The following OBI1 variants were observed in gnomAD, a reference collection of about 807,000 sequenced individuals.
OBI1 encodes ring finger protein 219.
A neutral mutation model predicts 62.4 loss-of-function variants in OBI1; 59 were observed. The ratio of observed to expected loss-of-function variants is 0.95; its 90% CI spans 0.77 to 1.17. The LOEUF (loss-of-function observed/expected upper bound fraction) is 1.17, where lower values mean the gene tolerates loss of function less well. Among genes scored for constraint, OBI1 ranks in the 50% most tolerant of loss-of-function variants. The probability of loss-of-function intolerance (pLI) is 0.00; values close to 1 mark genes in which losing one functional copy is unlikely to be tolerated. For synonymous variants in OBI1, 302 were observed against 292.8 expected (o/e 1.03, Z -0.32); for missense variants, 875 against 830.9 (o/e 1.05, Z -0.65).
In OBI1 at chr13:78,616,288, A is replaced by C. The variant is rs766953387; in HGVS notation, c.1473T>G (p.Ser491=). 6.2e-7 allele frequency: 1 copy of C among 1,614,014 alleles called. No individual in the cohort carries two copies. The highest frequency in any genetic ancestry group is 8.5e-7 in the Non-Finnish European group (1 of 1,179,876). ...ESSEGNTIAN[S]VGEISSKLSE... ...TCAATTTTGAAGATATTTCTCCAAC[A>C]GAATTTGCTATCGTGTTCCCCTCTG... Residue 491 remains serine (S), a synonymous_variant, in exon 6 of 6, where the codon TCT becomes TCG. Coordinates refer to ENST00000282003, the MANE Select transcript of OBI1 (RefSeq NM_024546.4).
At chr13:78,629,256 C>T (rs1875774806) in intron 5 of OBI1, among the ~76,000 whole-genome samples, 1 of 152,064 alleles carries the variant, frequency 6.6e-6, no homozygotes, top group South Asian at 2.1e-4. Flanking sequence ...TTATCAAACC[C>T]ATAGATCTCA....
chr13:78,623,581 C>T (rs1430103118), intron 5 of OBI1, among the ~76,000 whole-genome samples: 1 of 152,168 alleles, frequency 6.6e-6, no homozygotes, highest in Non-Finnish European at 1.5e-5. Context: ...TCCTTCTGAA[C>T]CCATACACCA....
At chr13:78,629,865 A>G (rs1050971912) in intron 5 of OBI1, among the ~76,000 whole-genome samples, 1 of 152,132 alleles carries the variant, frequency 6.6e-6, no homozygotes, top group Non-Finnish European at 1.5e-5. Flanking sequence ...TAGAGGGATG[A>G]TGGTCACAGT....
chr13:78,646,381 A>G (rs1876382975), intron 1 of OBI1, among the ~76,000 whole-genome samples: 1 of 152,236 alleles, frequency 6.6e-6, no homozygotes, highest in Non-Finnish European at 1.5e-5. Context: ...ACTGCTATTA[A>G]GATAGTGTTA....
chr13:78,648,678 C>T (rs1156925034), intron 1 of OBI1, among the ~76,000 whole-genome samples: 1 of 152,098 alleles, frequency 6.6e-6, no homozygotes, highest in African/African-American at 2.4e-5. Flanking sequence ...CTTTGGGAGG[C>T]CGAGGCGGGC....
At chr13:78,650,877 C>G (rs897468380) in intron 1 of OBI1, among the ~76,000 whole-genome samples, 3 of 152,128 alleles carry the variant, frequency 2.0e-5, no homozygotes, top group Non-Finnish European at 4.4e-5. Context: ...ACCCTCCCAC[C>G]TAAGTTAATG....
intron 5 of OBI1, among the ~76,000 whole-genome samples, chr13:78,630,902 T>C (rs1875827022): frequency 1.3e-5 from 2 of 152,190 alleles, no homozygotes; most frequent in Admixed American, 1.3e-4. Flanking sequence ...TTAAGAGTGA[T>C]TCCTTGCTAT....
rs535737952 is a variant in OBI1 at position 78,615,241 on chromosome 13, A to T, written c.*339T>A. ...ATCTAACAGTTAAATAACATTTTTT[A>T]AAAAAACAATGTATATCCAACCGAG... On this transcript the variant is annotated 3_prime_UTR_variant, in exon 6 of 6. Coordinates refer to ENST00000282003, the MANE Select transcript of OBI1 (RefSeq NM_024546.4). 4.9e-4 allele frequency: 90 copies of T among 184,136 alleles called. No individual in the cohort carries two copies. The highest frequency in any genetic ancestry group is 6.7e-4 in the Non-Finnish European group (59 of 88,378). The allele number at this position is 184,136 out of a possible 1,614,324, so 11.4% of individuals were successfully genotyped here.
Position 78,642,597 on chromosome 13 carries a change from A to AT in OBI1, c.209-385dup, listed in dbSNP as rs552027454. Among the ~76,000 whole-genome samples, 249 of 152,364 alleles carry AT rather than the reference A, an allele frequency of 1.6e-3. 1 individual carries two copies. Among genetic ancestry groups the AT allele is most frequent in the Middle Eastern group, 6.8e-3 (2 of 294 alleles). ...TAACCAAGAGATTATATAAAAATGT[A>AT]TTACTGGCTGGGTGCAGTGGCTCAC... On this transcript the variant is annotated intron_variant, in intron 2 of 5. Coordinates refer to ENST00000282003, the MANE Select transcript of OBI1 (RefSeq NM_024546.4).
intron 1 of OBI1, among the ~76,000 whole-genome samples, chr13:78,655,545 A>G (rs1263582854): frequency 2.6e-5 from 4 of 152,152 alleles, no homozygotes; most frequent in Non-Finnish European, 2.9e-5. Flanking sequence ...TTAAGTGCAA[A>G]GACAAAGCAT....
intron 1 of OBI1, among the ~76,000 whole-genome samples, chr13:78,650,022 T>C (rs1876500521): frequency 1.3e-5 from 2 of 152,218 alleles, no homozygotes; most frequent in South Asian, 4.1e-4. Context: ...TTACTAGGGA[T>C]AGGTAGCAGA....
In OBI1 at chr13:78,639,042, T is replaced by A. The variant is rs767530356; in HGVS notation, c.330A>T (p.Val110=). The A allele has an allele frequency of 1.2e-6, 2 of 1,613,386 alleles. No homozygotes were observed. Among genetic ancestry groups the A allele is most frequent in the Non-Finnish European group, 1.7e-6 (2 of 1,179,776 alleles). ...TGAGATTTTTACTCTTAAGCTCTTC[T>A]ACTTCTTTCTGTAAACAATCTATTT... ...EDEIDCLQKE[V]EELKSKNLSL... The change falls in exon 4 of 6, where the codon GTA becomes GTT. Residue 110 remains valine, a synonymous_variant. Coordinates refer to ENST00000282003, the MANE Select transcript of OBI1 (RefSeq NM_024546.4).
At chr13:78,631,844 G>A (rs995554310) in intron 5 of OBI1, among the ~76,000 whole-genome samples, 6 of 152,136 alleles carry the variant, frequency 3.9e-5, no homozygotes, top group Admixed American at 1.3e-4. Context: ...GTACAGTATA[G>A]CAGAGGAGAC....
chr13:78,629,356 T>C (rs2137439807), intron 5 of OBI1, among the ~76,000 whole-genome samples: 1 of 152,242 alleles, frequency 6.6e-6, no homozygotes, highest in African/African-American at 2.4e-5. Context: ...AAGTTTGATA[T>C]AAATGACCTA....
At chr13:78,649,720 A>G (rs1019523238) in intron 1 of OBI1, among the ~76,000 whole-genome samples, 2 of 152,198 alleles carry the variant, frequency 1.3e-5, no homozygotes, top group Non-Finnish European at 2.9e-5. Context: ...CTAAGAAGTC[A>G]AGAGGGGAAA....
intron 3 of OBI1, among the ~76,000 whole-genome samples, chr13:78,640,852 A>G (rs922976402): frequency 1.3e-5 from 2 of 152,280 alleles, no homozygotes; most frequent in East Asian, 3.9e-4. Flanking sequence ...TTTCACTTCT[A>G]TATTTGAAGT....
At position 78,638,983 on chromosome 13, in the gene OBI1, G is replaced by A; in HGVS notation, c.389C>T (p.Pro130Leu). The change falls in exon 4 of 6, where the codon CCT becomes CTT. Residue 130 changes from proline (P) to leucine (L), a missense_variant. By Grantham distance (98) the Pro-to-Leu change is moderately conservative. Transcript: ENST00000282003. Reference sequence around the variant, plus strand: ...TTGGTTGCCCTGCACCAAGGTTAAAGGATCCAGAATAGTTTTGATCTGTGA... The same window carrying A: ...TTGGTTGCCCTGCACCAAGGTTAAAAGATCCAGAATAGTTTTGATCTGTGA... ...LESQIKTILDPLTLVQGNQNE... is the reference protein window; with the variant it reads ...LESQIKTILDLLTLVQGNQNE... The A allele has an allele frequency of 4.3e-6, 7 of 1,613,940 alleles. No homozygotes were observed. The highest frequency in any genetic ancestry group is 5.1e-6 in the Non-Finnish European group (6 of 1,179,930).
At chr13:78,655,470 A>T (rs1268863042) in intron 1 of OBI1, among the ~76,000 whole-genome samples, 1 of 152,218 alleles carries the variant, frequency 6.6e-6, no homozygotes, top group Non-Finnish European at 1.5e-5. Context: ...AACTAAAAAC[A>T]TTATTGGGTA....
chr13:78,654,813 CCA>C lies in OBI1; in HGVS notation c.72+4234_72+4235del, dbSNP rs538744288. On this transcript the variant is annotated intron_variant, in intron 1 of 5. Coordinates refer to ENST00000282003, the MANE Select transcript of OBI1 (RefSeq NM_024546.4). ...AAGTAGAAATCATAATTTTATGGAG[CCA>C]CACAAGGCTTGAGTCCCTTCCAAAT... is the stretch of plus-strand genomic sequence containing the variant. 3.2e-3 allele frequency among the ~76,000 whole-genome samples: 485 copies of C among 152,232 alleles called. 1 individual carries two copies. Among genetic ancestry groups the C allele is most frequent in the African/African-American group, 0.011 (466 of 41,522 alleles).
Sources: gnomAD v4.1 joint callset for allele counts (sites outside exome capture counted in the v4.1 genomes callset) on GRCh38, gnomAD v4.1.1 for gene constraint, MANE v1.5 for transcripts, NCBI Gene and HGNC (gene_info 2026-07-23, HGNC 2026-07-21) for gene names.